Variants in TCTN2 observed in about 807,000 individuals in gnomAD.
The protein encoded by TCTN2 is tectonic family member 2, also known as tectonic-2.
A neutral mutation model predicts 83.4 loss-of-function variants in TCTN2; 66 were observed. That is an observed-to-expected ratio of 0.79 (90% CI 0.65 to 0.97). The LOEUF is 0.97. Ranked by LOEUF, TCTN2 falls within the 50% of genes least tolerant of loss-of-function variation. The probability of loss-of-function intolerance (pLI) is 0.00; values close to 1 mark genes in which losing one functional copy is unlikely to be tolerated. For synonymous variants in TCTN2, 301 were observed against 326.7 expected (o/e 0.92, Z 0.85); for missense variants, 794 against 858.1 (o/e 0.93, Z 0.93).
chr12:123,683,480 C>T (rs535778467), intron 5 of TCTN2, among the ~76,000 whole-genome samples: 1 of 151,634 alleles, frequency 6.6e-6, no homozygotes, highest in Non-Finnish European at 1.5e-5. Flanking sequence ...GGAGTTTTGC[C>T]GTGTTGGCCA....
chr12:123,707,590 C>A lies in TCTN2; in HGVS notation c.1985-14C>A. ...AAGAAATACTGCTGTTGAATTTTGT[C>A]CATTGTTTTTCAGGGGAGCTGCATT... On this transcript the variant is annotated splice_polypyrimidine_tract_variant and intron_variant, in intron 17 of 17. Transcript: ENST00000303372. 1 of 1,610,978 alleles carries A rather than the reference C, an allele frequency of 6.2e-7. No individual in the cohort carries two copies. Among genetic ancestry groups the A allele is most frequent in the Non-Finnish European group, 8.5e-7 (1 of 1,177,188 alleles).
intron 17 of TCTN2, 183 bp downstream of exon 17, chr12:123,707,256 GT>G (rs910286204): frequency 0.017 from 8,612 of 496,218 alleles, no homozygotes; most frequent in Middle Eastern, 0.026. Flanking sequence ...TACCTACACT[GT>G]TTTTTTTTTT....
At position 123,694,945 on chromosome 12, in the gene TCTN2, T is replaced by G; in HGVS notation, c.1203T>G (p.Ile401Met). 6.2e-7 allele frequency: 1 copy of G among 1,613,708 alleles called. No homozygotes were observed. The highest frequency in any genetic ancestry group is 8.5e-7 in the Non-Finnish European group (1 of 1,179,732). Reference protein sequence around the residue: ...NNTISEINVKIFRAEINAHQK... With the variant: ...NNTISEINVKMFRAEINAHQK... ...CCATCAGTGAAATAAATGTTAAAATTTTTAGGGCAGAGATTAATGCCCACC... is the reference window on the plus strand; with the variant it reads ...CCATCAGTGAAATAAATGTTAAAATGTTTAGGGCAGAGATTAATGCCCACC... Residue 401 changes from isoleucine (I) to methionine (M), a missense_variant, in exon 10 of 18, where the codon ATT becomes ATG. By Grantham distance (10) the Ile-to-Met change is conservative. Coordinates refer to ENST00000303372, the MANE Select transcript of TCTN2 (RefSeq NM_024809.5).
At chr12:123,680,547 C>T (rs1457535292) in intron 5 of TCTN2, among the ~76,000 whole-genome samples, 3 of 145,694 alleles carry the variant, frequency 2.1e-5, no homozygotes, top group Admixed American at 7.0e-5. Flanking sequence ...GACAGAGTCT[C>T]GCTTTGTTGC....
chr12:123,703,878 T>C (rs1956199494), intron 14 of TCTN2, among the ~76,000 whole-genome samples: 1 of 152,210 alleles, frequency 6.6e-6, no homozygotes, highest in South Asian at 2.1e-4. Context: ...TCACTGCAAT[T>C]ATATATGTTT....
intron 3 of TCTN2, 90 bp downstream of exon 3, chr12:123,672,222 C>A: frequency 1.8e-6 from 2 of 1,116,378 alleles, no homozygotes; most frequent in Non-Finnish European, 2.7e-6. Context: ...CAAGGCATGG[C>A]TTTCTCCATG....
intron 15 of TCTN2, 151 bp from the exon 16 acceptor site, chr12:123,706,575 T>G (rs1276014564): frequency 8.9e-7 from 1 of 1,117,966 alleles, no homozygotes; most frequent in East Asian, 2.5e-5. Context: ...TCAAAGACCA[T>G]GGACAAATAC....
chr12:123,702,637 C>T (rs779148044), intron 14 of TCTN2, among the ~76,000 whole-genome samples: 3 of 152,132 alleles, frequency 2.0e-5, no homozygotes, highest in African/African-American at 4.8e-5. Context: ...ACCCAGAGGT[C>T]GAGCTTGTCA....
chr12:123,699,817 C>A lies in TCTN2; in HGVS notation c.1612+7C>A. ...GGCTGGCTCGAAATAATACGTAAGT[C>A]AAACCCGGGTACAATAAAGCCTGTA... is the stretch of plus-strand genomic sequence containing the variant. On this transcript the variant is annotated splice_region_variant and intron_variant, in intron 14 of 17. Coordinates refer to ENST00000303372, the MANE Select transcript of TCTN2 (RefSeq NM_024809.5). 2 of 1,611,170 alleles carry A rather than the reference C, an allele frequency of 1.2e-6. No homozygotes were observed. Among genetic ancestry groups the A allele is most frequent in the South Asian group, 2.2e-5 (2 of 91,000 alleles).
intron 4 of TCTN2, among the ~76,000 whole-genome samples, chr12:123,674,643 A>G (rs1214098703): frequency 6.6e-6 from 1 of 152,124 alleles, no homozygotes; most frequent in East Asian, 1.9e-4. Flanking sequence ...CCCACACTGT[A>G]AGTGCTTTGG....
At chr12:123,677,883 G>T (rs890340883) in intron 4 of TCTN2, among the ~76,000 whole-genome samples, 1 of 152,056 alleles carries the variant, frequency 6.6e-6, no homozygotes, top group Admixed American at 6.6e-5. Context: ...CCCCGCCTTG[G>T]CCTCCCAAAG....
At position 123,676,491 on chromosome 12, in the gene TCTN2, T is replaced by G. The variant is rs533421703; in HGVS notation, c.463+2681T>G. Among the ~76,000 whole-genome samples the G allele has an allele frequency of 2.9e-5, 4 of 138,318 alleles. No homozygotes were observed. In the South Asian group the frequency reaches 9.0e-4, roughly 31 times the overall value. 90.7% of individuals were successfully genotyped at this position (138,318 alleles called of 152,430 possible). A position where few individuals can be genotyped will look rare whatever the true frequency, so the allele number is the denominator to read the frequency against. On this transcript the variant is annotated intron_variant, in intron 4 of 17. Transcript: ENST00000303372. ...GCTGAGGCAGGAGAATGGCGTGAAC[T>G]CGGGAGGTGGAGCTTGCAGTGAGCC...
intron 13 of TCTN2, among the ~76,000 whole-genome samples, chr12:123,697,504 TG>T (rs1184856293): frequency 6.6e-6 from 1 of 152,142 alleles, no homozygotes; most frequent in Non-Finnish European, 1.5e-5. Context: ...TGTTGTTGTG[TG>T]GTTTTTTTTG....
At chr12:123,705,859 C>T (rs535824543) in intron 15 of TCTN2, among the ~76,000 whole-genome samples, 3 of 151,308 alleles carry the variant, frequency 2.0e-5, no homozygotes, top group Admixed American at 6.6e-5. Flanking sequence ...CGGGTTCAAG[C>T]GATTCTCCTG....
intron 4 of TCTN2, among the ~76,000 whole-genome samples, chr12:123,676,566 T>TA (rs60100973): frequency 0.31 from 18,755 of 60,300 alleles, 3,221 homozygotes; most frequent in Non-Finnish European, 0.39. Context: ...AGACTCCATC[T>TA]AAAAAAAAAA....
Position 123,679,550 on chromosome 12 carries a change from G to A in TCTN2, c.564+261G>A, listed in dbSNP as rs116681091. ...CTAATTGTTTTGTATCTTTTGTAGA[G>A]ATGGGATTTTGCCATGTTGCTCAGG... On this transcript the variant is annotated intron_variant, in intron 5 of 17. Transcript: ENST00000303372. 4.2e-3 allele frequency among the ~76,000 whole-genome samples: 644 copies of A among 151,692 alleles called. 5 individuals carry two copies. The highest frequency in any genetic ancestry group is 0.015 in the African/African-American group (610 of 41,376).
chr12:123,686,310 G>C (rs1454731326), intron 5 of TCTN2, among the ~76,000 whole-genome samples: 1 of 152,176 alleles, frequency 6.6e-6, no homozygotes, highest in Non-Finnish European at 1.5e-5. Flanking sequence ...GCCTCCCAAA[G>C]TGTTGGGATT....
At chr12:123,692,351 T>C (rs577441521) in intron 8 of TCTN2, among the ~76,000 whole-genome samples, 2 of 152,334 alleles carry the variant, frequency 1.3e-5, no homozygotes, top group Admixed American at 1.3e-4. Context: ...GGCCAATTGT[T>C]TTCTACAGTG....
Position 123,704,590 on chromosome 12 carries a change from C to T in TCTN2, c.1671C>T (p.Cys557=). ...TGGCTAGCAGTGTGAACGGCATGTG[C>T]CTGGATATTCCTGCTCACCTGAGCA... ...DPLASSVNGM[C]LDIPAHLSIR... The change falls in exon 15 of 18, where the codon TGC becomes TGT. Residue 557 remains cysteine (C), a synonymous_variant. Transcript: ENST00000303372. 2 of 1,613,114 alleles carry T rather than the reference C, an allele frequency of 1.2e-6. No individual in the cohort carries two copies.
Sources: gnomAD v4.1 joint callset for allele counts (sites outside exome capture counted in the v4.1 genomes callset) on GRCh38, gnomAD v4.1.1 for gene constraint, MANE v1.5 for transcripts, NCBI Gene and HGNC (gene_info 2026-07-23, HGNC 2026-07-21) for gene names.